Variants in TENM1 observed in about 807,000 individuals in gnomAD.
TENM1 encodes teneurin-1.
In TENM1, 35 loss-of-function variants were observed where a neutral mutation model predicts 174.8. The ratio of observed to expected loss-of-function variants is 0.20; its 90% CI spans 0.15 to 0.27. The LOEUF (loss-of-function observed/expected upper bound fraction) is 0.27. Ranked by LOEUF, TENM1 falls within the 10% of genes least tolerant of loss-of-function variation. The pLI is 1.00. For synonymous variants in TENM1, 781 were observed against 798.7 expected, an observed-to-expected ratio of 0.98 and a Z score of 0.37; for missense variants, 1,633 against 2,130.1, an observed-to-expected ratio of 0.77 and a Z score of 4.59.
chrX:124,494,308 T>C (rs2047136768), intron 20 of TENM1, among the ~76,000 whole-genome samples: 1 of 111,037 alleles, frequency 9.0e-6, no homozygotes, highest in African/African-American at 3.3e-5. Flanking sequence ...AAAATTGTTT[T>C]ATGGAATAGT....
At chrX:125,031,132 C>T in the TENM1 span, among the ~76,000 whole-genome samples, 1 of 109,641 alleles carries the variant, frequency 9.1e-6, no homozygotes, top group Non-Finnish European at 1.9e-5. Flanking sequence ...CTAAGTAGTC[C>T]CCAGTGTCCA....
intron 3 of TENM1, among the ~76,000 whole-genome samples, chrX:124,836,933 T>C (rs2056403683): frequency 8.9e-6 from 1 of 111,874 alleles, no homozygotes; most frequent in East Asian, 2.8e-4. Context: ...ATTTGGACTC[T>C]TACACTACCA....
chrX:124,670,707 G>C (rs761793275), intron 6 of TENM1, among the ~76,000 whole-genome samples: 6 of 110,557 alleles, frequency 5.4e-5, no homozygotes, highest in Non-Finnish European at 1.1e-4. Flanking sequence ...CAACCCCCCC[G>C]CCACCACGAA....
At chrX:124,632,292 T>A (rs1439346639) in intron 11 of TENM1, among the ~76,000 whole-genome samples, 1 of 110,800 alleles carries the variant, frequency 9.0e-6, no homozygotes, top group East Asian at 2.8e-4. Flanking sequence ...TAAAGTAACT[T>A]GCCCTGCCTC....
At chrX:124,465,016 G>A (rs753198815) in intron 22 of TENM1, among the ~76,000 whole-genome samples, 11 of 111,579 alleles carry the variant, frequency 9.9e-5, no homozygotes, top group East Asian at 2.8e-4. Context: ...TATGAGAGGT[G>A]GAGTAAAGAG....
chrX:124,645,730 C>A (rs1034770925), intron 9 of TENM1, among the ~76,000 whole-genome samples: 5 of 112,003 alleles, frequency 4.5e-5, no homozygotes, highest in Admixed American at 3.8e-4. Context: ...AAAATATTAT[C>A]TTTAAAAAGT....
rs991806139 is a variant in TENM1 at position 124,844,440 on chromosome X, G to T, written c.535+49856C>A. On this transcript the variant is annotated intron_variant, in intron 3 of 31. Transcript: ENST00000422452. ...ATCCCTAAGAGGAAGTTCCCCTTCC[G>T]TAACACTGCCTTTGGTGCTCCCAGC... Among the ~76,000 whole-genome samples the T allele has an allele frequency of 2.7e-5, 3 of 111,336 alleles. No homozygotes were observed. The Admixed American group carries it at 2.9e-4, about 11-fold the overall frequency.
chrX:124,710,528 T>C (rs2053022592), intron 4 of TENM1, among the ~76,000 whole-genome samples: 1 of 111,889 alleles, frequency 8.9e-6, no homozygotes, highest in African/African-American at 3.2e-5. Flanking sequence ...ATGACGGCAA[T>C]TACAAGAATA....
intron 15 of TENM1, among the ~76,000 whole-genome samples, chrX:124,532,099 G>T (rs2048121016): frequency 9.0e-6 from 1 of 111,267 alleles, no homozygotes; most frequent in African/African-American, 3.3e-5. Flanking sequence ...GTATGGTGGG[G>T]GTTAGTTATT....
the TENM1 span, among the ~76,000 whole-genome samples, chrX:125,185,258 A>G: frequency 8.9e-6 from 1 of 112,451 alleles, no homozygotes; most frequent in East Asian, 2.8e-4. Context: ...ATGGAGAAAT[A>G]TTTATTTGTA....
chrX:125,160,839 G>A, the TENM1 span, among the ~76,000 whole-genome samples: 3 of 109,656 alleles, frequency 2.7e-5, no homozygotes, highest in South Asian at 7.8e-4. Context: ...AATTGTTGAT[G>A]GGAATGCAAA....
chrX:124,796,524 C>T (rs1295638192), intron 3 of TENM1, among the ~76,000 whole-genome samples: 1 of 111,540 alleles, frequency 9.0e-6, no homozygotes, highest in Non-Finnish European at 1.9e-5. Context: ...ATCGGGACTT[C>T]TCGACTTAAA....
At chrX:125,119,962 T>G in the TENM1 span, among the ~76,000 whole-genome samples, 1 of 111,397 alleles carries the variant, frequency 9.0e-6, no homozygotes, top group African/African-American at 3.3e-5. Flanking sequence ...ACGTCGGTCT[T>G]TCTTCATTAA....
At chrX:124,484,868 C>T (rs927095709) in intron 21 of TENM1, among the ~76,000 whole-genome samples, 3 of 111,145 alleles carry the variant, frequency 2.7e-5, no homozygotes, top group Non-Finnish European at 5.7e-5. Context: ...TCTTTCTCTC[C>T]AACTACACTG....
At chrX:124,941,568 C>A (rs1420944744) in intron 1 of TENM1, among the ~76,000 whole-genome samples, 1 of 112,037 alleles carries the variant, frequency 8.9e-6, no homozygotes, top group Non-Finnish European at 1.9e-5. Context: ...CATTTTCTAG[C>A]CCCAGTACTC....
chrX:124,942,570 A>C (rs1312856043), intron 1 of TENM1, among the ~76,000 whole-genome samples: 1 of 112,082 alleles, frequency 8.9e-6, no homozygotes, highest in Non-Finnish European at 1.9e-5. Flanking sequence ...AAGTCACTGA[A>C]TACTGGTCAT....
intron 22 of TENM1, among the ~76,000 whole-genome samples, chrX:124,455,495 G>A (rs2061094504): frequency 9.0e-6 from 1 of 111,556 alleles, no homozygotes; most frequent in Non-Finnish European, 1.9e-5. Context: ...CACCTTCTAT[G>A]ACCACTATAT....
At chrX:125,132,805 G>A in the TENM1 span, among the ~76,000 whole-genome samples, 1 of 111,191 alleles carries the variant, frequency 9.0e-6, no homozygotes, top group Non-Finnish European at 1.9e-5. Flanking sequence ...TGCCTTTAGG[G>A]CCTAATTCTT....
chrX:125,178,930 C>A, the TENM1 span, among the ~76,000 whole-genome samples: 1 of 109,502 alleles, frequency 9.1e-6, no homozygotes, highest in African/African-American at 3.4e-5. Context: ...AATGATTGTG[C>A]CATTCACTTC....
Sources: gnomAD v4.1 joint callset for allele counts (sites outside exome capture counted in the v4.1 genomes callset) on GRCh38, gnomAD v4.1.1 for gene constraint, MANE v1.5 for transcripts, NCBI Gene and HGNC (gene_info 2026-07-23, HGNC 2026-07-21) for gene names.